Variants in POLE observed in about 807,000 individuals in gnomAD.
POLE encodes the protein DNA polymerase epsilon catalytic subunit A.
In POLE, 188 loss-of-function variants were observed where a neutral mutation model predicts 279.2. The ratio of observed to expected loss-of-function variants is 0.67; its 90% confidence interval spans 0.60 to 0.76. POLE has a LOEUF of 0.76. Ranked by LOEUF, POLE falls within the 30% of genes least tolerant of loss-of-function variation. POLE has a pLI of 0.00. For missense variants in POLE, 2,703 were observed against 3,016.7 expected (o/e 0.90, Z 2.44); for synonymous variants, 1,214 against 1,172.5 (o/e 1.04, Z -0.72).
chr12:132,653,283 G>A (rs2042462400), intron 29 of POLE, among the ~76,000 whole-genome samples: 1 of 152,198 alleles, frequency 6.6e-6, no homozygotes, highest in South Asian at 2.1e-4. Context: ...GCTGAGGTGG[G>A]AGGATAACGT....
Position 132,664,439 on chromosome 12 carries a change from A to C in POLE, c.2492T>G (p.Met831Arg), listed in dbSNP as rs749619971. The change falls in exon 22 of 49, where the codon ATG becomes AGG. Residue 831 changes from methionine (M) to arginine (R), a missense_variant. Met to Arg is a moderately conservative substitution (Grantham distance 91, BLOSUM62 -1). Around this residue, in one of 5 missense-constraint regions of POLE, gnomAD observed 1,011 missense variants for 1,111.7 expected, o/e 0.91. Coordinates refer to ENST00000320574, the MANE Select transcript of POLE (RefSeq NM_006231.4). This position sits in a 1 kb window ranked among gnomAD's most constrained non-coding sequence, Gnocchi z 5.3. ...CCCTGTGAAGCAGACGATGCCAGCCATCTCCATGGAGTACCAGCGAGCCCT... is the reference window on the plus strand; with the variant it reads ...CCCTGTGAAGCAGACGATGCCAGCCCTCTCCATGGAGTACCAGCGAGCCCT... ...RKGARWYSMEMAGIVCFTGAN... is the reference protein window; with the variant it reads ...RKGARWYSMERAGIVCFTGAN... The C allele has an allele frequency of 1.2e-6, 2 of 1,614,048 alleles. No individual in the cohort carries two copies. The highest frequency in any genetic ancestry group is 2.2e-5 in the South Asian group (2 of 91,088).
In POLE at chr12:132,677,574, T is replaced by A. The variant is rs990057702; in HGVS notation, c.720+4A>T. ...GAGCAGCGACCCAACCCTGCCCCAC[T>A]CACCACGTGGATCTTCAGGTCAATG... is the stretch of plus-strand genomic sequence containing the variant. On this transcript the variant is annotated splice_donor_region_variant and intron_variant, in intron 7 of 48. Transcript: ENST00000320574. 1 of 1,614,022 alleles carries A rather than the reference T, an allele frequency of 6.2e-7. No homozygotes were observed. Among genetic ancestry groups the A allele is most frequent in the Non-Finnish European group, 8.5e-7 (1 of 1,180,020 alleles).
At position 132,639,441 on chromosome 12, in the gene POLE, C is replaced by CAAATT. The variant is rs2042098065; in HGVS notation, c.5379-144_5379-143insAATTT. ...ACTGTCGCCTCCCCTTCTCACTGTC[C>CAAATT]CCACCTTAAGTCACGGTCCAAATTT... is the stretch of plus-strand genomic sequence containing the variant. On this transcript the variant is annotated intron_variant, in intron 39 of 48. Transcript: ENST00000320574. This position sits in a 1 kb window ranked among gnomAD's most constrained non-coding sequence, Gnocchi z 4.7. 3 of 684,082 alleles carry CAAATT rather than the reference C, an allele frequency of 4.4e-6. No homozygotes were observed. Among genetic ancestry groups the CAAATT allele is most frequent in the Non-Finnish European group, 7.5e-6 (3 of 402,058 alleles). 42.4% of individuals were successfully genotyped at this position (684,082 alleles called of 1,614,324 possible).
At chr12:132,656,667 T>C (rs1277144914) in intron 29 of POLE, among the ~76,000 whole-genome samples, 1 of 152,246 alleles carries the variant, frequency 6.6e-6, no homozygotes, top group Non-Finnish European at 1.5e-5. Context: ...CAAAGAACCT[T>C]GTTCTTGTCA....
intron 43 of POLE, chr12:132,633,009 G>A (rs1194189226): frequency 4.2e-5 from 23 of 545,468 alleles, no homozygotes; most frequent in South Asian, 2.4e-5. Flanking sequence ...TGAGTTCATT[G>A]TCAGAGAGAA....
intron 1 of POLE, 112 bp downstream of exon 1, chr12:132,687,142 C>A: frequency 1.8e-6 from 1 of 569,576 alleles, no homozygotes; most frequent in Non-Finnish European, 2.5e-6. Flanking sequence ...GCGGCGAGTG[C>A]GGGCGGCTGC....
At chr12:132,673,413 T>A in intron 13 of POLE, 136 bp from the exon 14 acceptor site, 1 of 1,209,642 alleles carries the variant, frequency 8.3e-7, no homozygotes, top group South Asian at 1.3e-5. Flanking sequence ...ACAAAACACG[T>A]GTGTCCCGGA....
chr12:132,650,148 G>A, intron 29 of POLE: 1 of 485,584 alleles, frequency 2.1e-6, no homozygotes, highest in Non-Finnish European at 3.8e-6. Flanking sequence ...GTTGGAGGCT[G>A]CGGCGAACTA....
intron 26 of POLE, 148 bp downstream of exon 26, chr12:132,659,147 T>G (rs2042619276): frequency 1.3e-6 from 1 of 771,322 alleles, no homozygotes; most frequent in Non-Finnish European, 2.0e-6. Context: ...ACAGCCCAAA[T>G]CTGTAAGGAA....
intron 1 of POLE, among the ~76,000 whole-genome samples, chr12:132,682,550 A>T (rs1323923444): frequency 6.6e-6 from 1 of 152,180 alleles, no homozygotes; most frequent in South Asian, 2.1e-4. Flanking sequence ...TCAATTTCTT[A>T]GTTGTGACAA....
intron 29 of POLE, chr12:132,650,872 C>CTTTTTTTTTT (rs372563000): frequency 1.8e-5 from 2 of 108,666 alleles, no homozygotes; most frequent in African/African-American, 3.3e-5. Flanking sequence ...AACTTGTTTC[C>CTTTTTTTTTT]TTTTTTTTTT....
Position 132,632,684 on chromosome 12 carries a change from C to T in POLE, c.6116G>A (p.Gly2039Glu), listed in dbSNP as rs1555220961. 1.2e-6 allele frequency: 2 copies of T among 1,614,048 alleles called. No individual in the cohort carries two copies. Among genetic ancestry groups the T allele is most frequent in the African/African-American group, 1.3e-5 (1 of 75,032 alleles). Residue 2039 changes from glycine to glutamate, a missense_variant, in exon 44 of 49, where the codon GGG becomes GAG. This residue lies in a region of POLE where 1,551 missense variants were observed against 1,686.1 expected (regional missense o/e 0.92). Coordinates refer to ENST00000320574, the MANE Select transcript of POLE (RefSeq NM_006231.4). ...CTCACCGGGAAGGGCTCCGACCGCC[C>T]CCTCGGCCTCCTGGGAGAGCTGGCT... ...GASQLSQEAE[G>E]AVGALPGMIT...
intron 47 of POLE, chr12:132,625,441 G>A (rs370633126): frequency 1.3e-5 from 10 of 779,952 alleles, no homozygotes; most frequent in Middle Eastern, 4.5e-4. Flanking sequence ...CACCCACAAG[G>A]CCAGCTCTTG....
At chr12:132,646,952 G>A (rs1331182313) in intron 32 of POLE, among the ~76,000 whole-genome samples, 1 of 152,180 alleles carries the variant, frequency 6.6e-6, no homozygotes, top group Non-Finnish European at 1.5e-5. Flanking sequence ...ACCAGCCTCA[G>A]CCTCCCAAAT....
At chr12:132,636,787 G>A (rs1159117736) in intron 41 of POLE, among the ~76,000 whole-genome samples, 1 of 147,372 alleles carries the variant, frequency 6.8e-6, no homozygotes, top group Non-Finnish European at 1.5e-5. Flanking sequence ...AAAAATGGAA[G>A]AATAAACAAA....
In POLE at chr12:132,672,550, A is replaced by G. The variant is rs754233962; in HGVS notation, c.1686+77T>C. 126 of 1,465,498 alleles carry G rather than the reference A, an allele frequency of 8.6e-5. 1 individual carries two copies. The highest frequency in any genetic ancestry group is 1.2e-4 in the Non-Finnish European group (125 of 1,053,072). The allele number at this position is 1,465,498 out of a possible 1,614,324, so 90.8% of individuals were successfully genotyped here. On this transcript the variant is annotated intron_variant, in intron 15 of 48. Transcript: ENST00000320574. Reference sequence around the variant, plus strand: ...GGACAGGATGGGGAGAAGGGGCTTTATTTCAGCCCCTGCAGCTTCTGGGTC... The same window carrying G: ...GGACAGGATGGGGAGAAGGGGCTTTGTTTCAGCCCCTGCAGCTTCTGGGTC...
chr12:132,670,867 T>A (rs1456005839), intron 16 of POLE, among the ~76,000 whole-genome samples: 2 of 152,182 alleles, frequency 1.3e-5, no homozygotes, highest in Non-Finnish European at 2.9e-5. Context: ...TTCCCTGAAG[T>A]ATAATAATGG....
rs1336525905 is a variant in POLE at position 132,626,250 on chromosome 12, A to T, written c.6398T>A (p.Val2133Glu). The T allele has an allele frequency of 1.2e-6, 2 of 1,613,912 alleles. No homozygotes were observed. The highest frequency in any genetic ancestry group is 1.7e-6 in the Non-Finnish European group (2 of 1,180,028). Residue 2133 changes from valine (V) to glutamate (E), a missense_variant, in exon 46 of 49, where the codon GTG becomes GAG. Val to Glu is a moderately radical substitution (Grantham distance 121). Transcript: ENST00000320574. ...NKLNRDLLRLVDVGEFSEEAQ... is the reference protein window; with the variant it reads ...NKLNRDLLRLEDVGEFSEEAQ... ...CTCCTCGGAGAACTCGCCGACATCC[A>T]CCAGGCGAAGCAGGTCTCGGTTCAG...
intron 1 of POLE, among the ~76,000 whole-genome samples, 166 bp from the exon 2 acceptor site, chr12:132,681,445 G>A (rs962394472): frequency 1.3e-5 from 2 of 151,634 alleles, no homozygotes; most frequent in Admixed American, 6.6e-5. Flanking sequence ...CCGGGTTCAC[G>A]CCATTCTCCT....
Sources: allele counts gnomAD v4.1 joint callset (sites outside exome capture counted in the v4.1 genomes callset), GRCh38; gene constraint gnomAD v4.1.1; regional missense constraint gnomAD v4.1.1; non-coding constraint Gnocchi (gnomAD v3.1); transcripts MANE v1.5; gene names NCBI Gene and HGNC (gene_info 2026-07-23, HGNC 2026-07-21).